The following OR51B5 variants were observed in gnomAD, a reference collection of about 807,000 sequenced individuals.
The protein encoded by OR51B5 is olfactory receptor family 51 subfamily B member 5, also known as olfactory receptor 51B5.
For synonymous variants in OR51B5, 186 were observed against 144.8 expected (o/e 1.28, Z -2.04); for missense variants, 456 against 374.6 (o/e 1.22, Z -1.79).
chr11:5,417,394 A>C (rs1252837078), intron 1 of OR51B5, among the ~76,000 whole-genome samples: 2 of 152,116 alleles, frequency 1.3e-5, no homozygotes, highest in East Asian at 3.9e-4. Flanking sequence ...AAAACACCAA[A>C]AGCAATGGCA....
At chr11:5,488,327 G>A (rs1851526131) in intron 1 of OR51B5, among the ~76,000 whole-genome samples, 1 of 152,126 alleles carries the variant, frequency 6.6e-6, no homozygotes, top group Non-Finnish European at 1.5e-5. Flanking sequence ...GACTCCCTAG[G>A]TAAGAGAAAA....
exon 1 of OR51B5, chr11:5,343,248 C>T (rs562565107): frequency 6.2e-7 from 1 of 1,613,622 alleles, no homozygotes; most frequent in African/African-American, 1.3e-5. Flanking sequence ...AAGCAGGCCG[C>T]ACTTCCAATC....
At chr11:5,390,428 T>C (rs367559081) in intron 1 of OR51B5, 212 of 1,469,084 alleles carry the variant, frequency 1.4e-4, no homozygotes, top group Non-Finnish European at 1.8e-4. Flanking sequence ...GGCCCCAAAT[T>C]GGACTGAAAA....
chr11:5,422,558 A>G (rs1384037558), intron 1 of OR51B5: 2 of 1,613,854 alleles, frequency 1.2e-6, no homozygotes, highest in Non-Finnish European at 1.7e-6. Context: ...CCTCCTGGCT[A>G]TGTCCGTTGA....
At chr11:5,410,893 G>T (rs1850138887) in intron 1 of OR51B5, among the ~76,000 whole-genome samples, 1 of 152,056 alleles carries the variant, frequency 6.6e-6, no homozygotes, top group African/African-American at 2.4e-5. Flanking sequence ...AAATAAGGAT[G>T]TAAAGAAAAA....
intron 1 of OR51B5, among the ~76,000 whole-genome samples, chr11:5,396,733 C>A (rs1244151098): frequency 6.6e-6 from 1 of 151,700 alleles, no homozygotes. Flanking sequence ...CAAAAAAGAG[C>A]CCGCATCGCC....
chr11:5,453,833 G>A (rs1850899629), intron 1 of OR51B5: 1 of 1,614,188 alleles, frequency 6.2e-7, no homozygotes, highest in East Asian at 2.2e-5. Flanking sequence ...CAGGTATTCT[G>A]CTGGCCATGA....
At chr11:5,364,398 A>AAAC (rs1849335116) in intron 1 of OR51B5, among the ~76,000 whole-genome samples, 3 of 152,096 alleles carry the variant, frequency 2.0e-5, no homozygotes, top group Non-Finnish European at 4.4e-5. Flanking sequence ...TTTAGGAGCT[A>AAAC]TGTGATGTGT....
intron 1 of OR51B5, among the ~76,000 whole-genome samples, chr11:5,388,824 G>A (rs558270176): frequency 2.6e-5 from 4 of 152,088 alleles, no homozygotes; most frequent in East Asian, 1.9e-4. Context: ...TGAAGGTGAC[G>A]GTGAGTAAAC....
At chr11:5,444,705 G>A (rs1183037247) in intron 1 of OR51B5, among the ~76,000 whole-genome samples, 1 of 152,116 alleles carries the variant, frequency 6.6e-6, no homozygotes, top group Non-Finnish European at 1.5e-5. Context: ...ATAAATTTAT[G>A]AGCCCTCCAG....
intron 1 of OR51B5, among the ~76,000 whole-genome samples, chr11:5,374,974 T>C (rs1219661617): frequency 6.6e-6 from 1 of 151,350 alleles, no homozygotes; most frequent in Non-Finnish European, 1.5e-5. Context: ...ATTCAGGAAA[T>C]ACAGAGAACG....
At chr11:5,477,127 G>A (rs553918833) in intron 1 of OR51B5, among the ~76,000 whole-genome samples, 1 of 152,296 alleles carries the variant, frequency 6.6e-6, no homozygotes, top group South Asian at 2.1e-4. Context: ...TTTATGATAT[G>A]GATTGTAGTG....
At chr11:5,342,653 C>T (rs1848914016) in exon 1 of OR51B5, 2 of 1,613,208 alleles carry the variant, frequency 1.2e-6, no homozygotes, top group Non-Finnish European at 8.5e-7. Context: ...GGTCTTGACA[C>T]TATATGTTAT....
downstream of OR51B5, among the ~76,000 whole-genome samples, chr11:5,341,840 T>C (rs1480091429): frequency 1.3e-5 from 2 of 152,120 alleles, no homozygotes; most frequent in Non-Finnish European, 2.9e-5. Context: ...GCAACTAGGG[T>C]AGTAGAATAA....
intron 1 of OR51B5, chr11:5,403,163 A>G (rs1287391521): frequency 4.2e-6 from 2 of 470,866 alleles, no homozygotes; most frequent in East Asian, 6.9e-5. Flanking sequence ...AATCTTATCT[A>G]TCTTGTGGGA....
chr11:5,345,478 C>G (rs1307026092), upstream of OR51B5, among the ~76,000 whole-genome samples: 1 of 152,036 alleles, frequency 6.6e-6, no homozygotes, highest in African/African-American at 2.4e-5. Flanking sequence ...AATGAGGTTT[C>G]CCCTAGATTT....
intron 1 of OR51B5, among the ~76,000 whole-genome samples, chr11:5,498,280 C>T (rs1203602421): frequency 6.6e-6 from 1 of 152,176 alleles, no homozygotes; most frequent in Non-Finnish European, 1.5e-5. Flanking sequence ...GTGGTAGTTC[C>T]TGGACTATGC....
At chr11:5,488,812 G>GC (rs1379286545) in intron 1 of OR51B5, 1 of 1,614,034 alleles carries the variant, frequency 6.2e-7, no homozygotes. Context: ...CCCTTTCTGT[G>GC]CCATGTATCT....
At chr11:5,373,760 G>GCA (rs1849479306) in intron 1 of OR51B5, among the ~76,000 whole-genome samples, 1 of 152,036 alleles carries the variant, frequency 6.6e-6, no homozygotes, top group Non-Finnish European at 1.5e-5. Flanking sequence ...ACTGCAAGGT[G>GCA]GCAGCGAGGC....
Sources: gnomAD v4.1 joint callset for allele counts (sites outside exome capture counted in the v4.1 genomes callset) on GRCh38, gnomAD v4.1.1 for gene constraint, MANE v1.5 for transcripts, NCBI Gene and HGNC (gene_info 2026-07-23, HGNC 2026-07-21) for gene names.